The following BMP2K variants were observed in gnomAD, a reference collection of about 807,000 sequenced individuals.
The protein encoded by BMP2K is BMP2 inducible kinase.
A neutral mutation model predicts 116.0 loss-of-function variants in BMP2K; 74 were observed. That is an observed-to-expected ratio of 0.64 (90% confidence interval 0.53 to 0.77). The LOEUF is 0.77. BMP2K is among the 30% of genes least tolerant of loss of function. The pLI, the probability that BMP2K is intolerant of heterozygous loss-of-function variation, is 0.00. For missense variants in BMP2K, 1,365 were observed against 1,403.6 expected (o/e 0.97, Z 0.44); for synonymous variants, 486 against 502.5 (o/e 0.97, Z 0.44).
intron 15 of BMP2K, among the ~76,000 whole-genome samples, chr4:78,903,117 A>G (rs78220155): frequency 0.013 from 1,984 of 152,056 alleles, 25 homozygotes; most frequent in Non-Finnish European, 0.015. Flanking sequence ...ATTGTATGCC[A>G]TACAATACCT....
intron 8 of BMP2K, chr4:78,860,015 G>GTTTTTTT: frequency 1.1e-5 from 5 of 464,512 alleles, no homozygotes; most frequent in South Asian, 1.6e-5. Flanking sequence ...AGGACTGTTA[G>GTTTTTTT]TTTTTTTTTT....
chr4:78,825,465 C>G (rs1729823700), intron 1 of BMP2K, among the ~76,000 whole-genome samples: 1 of 152,184 alleles, frequency 6.6e-6, no homozygotes. Context: ...AGTCTTTTAT[C>G]TATGGAAAAT....
intron 1 of BMP2K, among the ~76,000 whole-genome samples, chr4:78,801,238 C>T (rs1021336477): frequency 1.3e-5 from 2 of 151,950 alleles, no homozygotes; most frequent in Admixed American, 1.3e-4. Context: ...AAGTCAGCTT[C>T]TCTTGTTTGA....
chr4:78,849,463 T>C (rs543064493), intron 6 of BMP2K, among the ~76,000 whole-genome samples: 1 of 151,800 alleles, frequency 6.6e-6, no homozygotes, highest in South Asian at 2.1e-4. Context: ...CTACAACATT[T>C]ACTCTAACAC....
At chr4:78,815,935 T>G (rs17003454) in intron 1 of BMP2K, among the ~76,000 whole-genome samples, 9,771 of 152,192 alleles carry the variant, frequency 0.064, 431 homozygotes, top group East Asian at 0.22. Flanking sequence ...TGTATACAGA[T>G]TGCTTTCAAA....
chr4:78,827,812 C>T (rs537879637), intron 2 of BMP2K, among the ~76,000 whole-genome samples: 47 of 152,310 alleles, frequency 3.1e-4, no homozygotes, highest in African/African-American at 1.1e-3. Flanking sequence ...ATTCAGCCCA[C>T]CTTGCTGATA....
intron 15 of BMP2K, among the ~76,000 whole-genome samples, chr4:78,891,059 T>G (rs1451828986): frequency 6.6e-6 from 1 of 152,134 alleles, no homozygotes; most frequent in Non-Finnish European, 1.5e-5. Flanking sequence ...AAATAAACTT[T>G]GCTGCCTAAA....
intron 14 of BMP2K, chr4:78,879,097 C>T (rs1193435792): frequency 7.6e-7 from 1 of 1,312,362 alleles, no homozygotes; most frequent in Non-Finnish European, 9.7e-7. Context: ...CTATTAAACC[C>T]AATATTGCTG....
rs751389564 is a variant in BMP2K, at chr4:78,911,357, T to C, written c.2810T>C (p.Phe937Ser). 3 of 1,613,934 alleles carry C rather than the reference T, an allele frequency of 1.9e-6. No homozygotes were observed. The highest frequency in any genetic ancestry group is 2.5e-6 in the Non-Finnish European group (3 of 1,179,862). ...GTAGATGTATTTGGCTCCACTCCAT[T>C]TCAGCCCTTCCTCACATCAACAAGT... ...KSVDVFGSTP[F>S]QPFLTSTSKS... Residue 937 changes from phenylalanine to serine, a missense_variant, in exon 16 of 16, where the codon TTT becomes TCT. This residue lies in a region of BMP2K where 596 missense variants were observed against 623.2 expected (regional missense o/e 0.96). Transcript: ENST00000502613.
Position 78,872,670 on chromosome 4 carries a change from G to A in BMP2K, c.1665G>A (p.Pro555=), listed in dbSNP as rs185732744. The A allele has an allele frequency of 2.1e-4, 341 of 1,614,040 alleles. 1 individual carries two copies. The East Asian group carries it at 5.2e-3, about 25-fold the overall frequency. Residue 555 remains proline, a synonymous_variant, in exon 13 of 16, where the codon CCG becomes CCA. Transcript: ENST00000502613. Reference sequence around the variant, plus strand: ...AGCAGATGCTAGCTCAACATCAGCCGTCTCAACAACAGGCATCACCTGAAT... The same window carrying A: ...AGCAGATGCTAGCTCAACATCAGCCATCTCAACAACAGGCATCACCTGAAT... ...FQQQMLAQHQ[P]SQQQASPEYL...
intron 2 of BMP2K, among the ~76,000 whole-genome samples, chr4:78,826,981 G>C (rs1036703625): frequency 6.6e-6 from 1 of 152,178 alleles, no homozygotes; most frequent in Non-Finnish European, 1.5e-5. Context: ...CCAGACCACT[G>C]CAATAAAGTG....
In BMP2K at chr4:78,911,815, G is replaced by A; in HGVS notation, c.3268G>A (p.Asp1090Asn). 1.2e-6 allele frequency: 2 copies of A among 1,613,958 alleles called. No individual in the cohort carries two copies. The highest frequency in any genetic ancestry group is 1.7e-6 in the Non-Finnish European group (2 of 1,179,888). The change falls in exon 16 of 16, where the codon GAC (aspartate) becomes AAC (asparagine). Residue 1090 changes from aspartate to asparagine, a missense_variant. Coordinates refer to ENST00000502613, the MANE Select transcript of BMP2K (RefSeq NM_198892.2). ...GCACCCTCCACATCAGGGCCTGAGC[G>A]ACATCCGTGCTGATCACAATACTGT... ...SWHPPHQGLS[D>N]IRADHNTVLP...
intron 12 of BMP2K, 57 bp from the exon 13 acceptor site, chr4:78,872,557 G>A (rs1192234471): frequency 1.3e-6 from 2 of 1,492,850 alleles, no homozygotes; most frequent in Admixed American, 1.8e-5. Flanking sequence ...TAGATGCAGT[G>A]CTGACAGTGC....
intron 1 of BMP2K, among the ~76,000 whole-genome samples, chr4:78,814,688 A>C (rs1199704992): frequency 6.6e-6 from 1 of 152,082 alleles, no homozygotes; most frequent in Non-Finnish European, 1.5e-5. Flanking sequence ...GAGTCAATTA[A>C]ACTTTTCCTT....
intron 1 of BMP2K, among the ~76,000 whole-genome samples, chr4:78,796,396 G>A (rs886929526): frequency 1.7e-5 from 2 of 119,452 alleles, no homozygotes; most frequent in Admixed American, 2.0e-4. Flanking sequence ...GGGGGTGGGG[G>A]GAGGGGGGAG....
At chr4:78,813,311 T>G (rs1453366431) in intron 1 of BMP2K, among the ~76,000 whole-genome samples, 2 of 152,178 alleles carry the variant, frequency 1.3e-5, no homozygotes, top group Non-Finnish European at 2.9e-5. Flanking sequence ...TGCAGCAGAT[T>G]TACTGATTTC....
At position 78,871,691 on chromosome 4, in the gene BMP2K, C is replaced by T. The variant is rs183508681; in HGVS notation, c.1510-159C>T. On this transcript the variant is annotated intron_variant, in intron 11 of 15. Transcript: ENST00000502613. ...TAATTTTGAAACCAGTTCTGATAAG[C>T]ATATTTATTAATAAATTATAGTAAT... Among the ~76,000 whole-genome samples, 5 of 152,206 alleles carry T rather than the reference C, an allele frequency of 3.3e-5. No individual in the cohort carries two copies. In the East Asian group the frequency reaches 9.6e-4, roughly 29 times the overall value.
At chr4:78,806,389 G>A (rs1038457731) in intron 1 of BMP2K, among the ~76,000 whole-genome samples, 6 of 151,992 alleles carry the variant, frequency 3.9e-5, no homozygotes, top group African/African-American at 1.4e-4. Context: ...TGTTGTGCAG[G>A]CTGGCCTTGA....
rs2110088340 is a variant in BMP2K, at chr4:78,897,225, AC to A, written c.2062+9943del. ...TTTTAAGCCTTATTTCTGGGAACTT[AC>A]CTTAAGAAAATAACATAACATCTTG... On this transcript the variant is annotated intron_variant, in intron 15 of 15. Coordinates refer to ENST00000502613, the MANE Select transcript of BMP2K (RefSeq NM_198892.2). Among the ~76,000 whole-genome samples the A allele has an allele frequency of 2.6e-5, 4 of 152,152 alleles. No individual in the cohort carries two copies. In the East Asian group the frequency reaches 7.7e-4, roughly 29 times the overall value.
Sources: allele counts gnomAD v4.1 joint callset (sites outside exome capture counted in the v4.1 genomes callset), GRCh38; gene constraint gnomAD v4.1.1; regional missense constraint gnomAD v4.1.1; transcripts MANE v1.5; gene names NCBI Gene and HGNC (gene_info 2026-07-23, HGNC 2026-07-21).